Variants in ADGRL3 observed in about 807,000 individuals in gnomAD.
ADGRL3 encodes adhesion G protein-coupled receptor L3.
ADGRL3 carries 62 observed loss-of-function variants against 153.5 expected under a neutral mutation model. The observed-to-expected ratio is 0.40, with a 90% confidence interval of 0.33 to 0.50. The LOEUF (loss-of-function observed/expected upper bound fraction) is 0.50. ADGRL3 is among the 20% of genes least tolerant of loss of function. The pLI is 0.47. For synonymous variants in ADGRL3, 710 were observed against 672.5 expected (o/e 1.06, Z -0.86); for missense variants, 1,641 against 1,859.4 (o/e 0.88, Z 2.16).
chr4:61,485,656 T>TA (rs2152754755), intron 2 of ADGRL3, among the ~76,000 whole-genome samples: 1 of 152,294 alleles, frequency 6.6e-6, no homozygotes, highest in South Asian at 2.1e-4. Context: ...AAAGTGTAAG[T>TA]AAATGTGTAT....
At chr4:61,963,322 G>A (rs1004412304) in intron 17 of ADGRL3, among the ~76,000 whole-genome samples, 3 of 151,356 alleles carry the variant, frequency 2.0e-5, no homozygotes, top group Admixed American at 6.6e-5. Context: ...TGGGTAAATT[G>A]CATGTCACAG....
At chr4:61,228,728 C>A (rs1373352288) in intron 1 of ADGRL3, among the ~76,000 whole-genome samples, 2 of 152,098 alleles carry the variant, frequency 1.3e-5, no homozygotes, top group East Asian at 1.9e-4. Context: ...CTTATTTTGT[C>A]AACAGTAGTT....
chr4:61,634,950 C>G (rs541397157), intron 5 of ADGRL3, among the ~76,000 whole-genome samples: 51 of 152,280 alleles, frequency 3.3e-4, no homozygotes, highest in African/African-American at 1.2e-3. Flanking sequence ...TCCTATTCCA[C>G]ATCTCTTTTC....
At chr4:61,649,354 T>A (rs558210795) in intron 5 of ADGRL3, among the ~76,000 whole-genome samples, 1 of 152,244 alleles carries the variant, frequency 6.6e-6, no homozygotes, top group Non-Finnish European at 1.5e-5. Flanking sequence ...AGCAGCAACA[T>A]CTAAATTTAC....
intron 9 of ADGRL3, among the ~76,000 whole-genome samples, chr4:61,824,564 T>C (rs1359743603): frequency 6.6e-6 from 1 of 152,186 alleles, no homozygotes; most frequent in Admixed American, 6.5e-5. Context: ...TCTTACTGCC[T>C]GGAGCAGACA....
intron 21 of ADGRL3, among the ~76,000 whole-genome samples, chr4:62,001,446 C>T (rs1018904138): frequency 2.6e-5 from 4 of 152,058 alleles, no homozygotes; most frequent in South Asian, 2.1e-4. Flanking sequence ...GGCAGGATAA[C>T]GGGACATGTT....
At chr4:61,540,555 A>G (rs1339708191) in intron 4 of ADGRL3, among the ~76,000 whole-genome samples, 1 of 152,132 alleles carries the variant, frequency 6.6e-6, no homozygotes, top group Non-Finnish European at 1.5e-5. Flanking sequence ...CTCAACAAAA[A>G]AAGAAAAGAA....
At chr4:61,665,984 T>C in intron 5 of ADGRL3, among the ~76,000 whole-genome samples, 1 of 152,342 alleles carries the variant, frequency 6.6e-6, no homozygotes, top group Middle Eastern at 3.4e-3. Flanking sequence ...ATTATTGTTA[T>C]AAAGCATGAA....
chr4:61,539,637 G>T (rs2098678812), intron 4 of ADGRL3, among the ~76,000 whole-genome samples: 1 of 152,118 alleles, frequency 6.6e-6, no homozygotes, highest in African/African-American at 2.4e-5. Context: ...TCTCAGTTCA[G>T]GCCTGAGGGG....
chr4:62,065,389 T>G (rs1394166284), intron 25 of ADGRL3, among the ~76,000 whole-genome samples: 1 of 152,086 alleles, frequency 6.6e-6, no homozygotes, highest in Non-Finnish European at 1.5e-5. Flanking sequence ...CATTACACAA[T>G]TCATCAGATG....
intron 17 of ADGRL3, among the ~76,000 whole-genome samples, chr4:61,961,740 C>A (rs2098988615): frequency 6.6e-6 from 1 of 151,972 alleles, no homozygotes. Flanking sequence ...GAATTGACAC[C>A]AACTTGTGGT....
At chr4:61,464,520 T>C (rs1181765492) in intron 2 of ADGRL3, among the ~76,000 whole-genome samples, 1 of 152,156 alleles carries the variant, frequency 6.6e-6, no homozygotes, top group Admixed American at 6.5e-5. Flanking sequence ...ACTCCAGAAA[T>C]CTCTTGCATT....
intron 1 of ADGRL3, among the ~76,000 whole-genome samples, chr4:61,294,484 C>T (rs950407386): frequency 6.6e-6 from 1 of 152,108 alleles, no homozygotes; most frequent in African/African-American, 2.4e-5. Flanking sequence ...TCAACTTAGG[C>T]TGGGTTTATT....
chr4:61,392,961 CTCTA>C (rs1435631013), intron 2 of ADGRL3, among the ~76,000 whole-genome samples: 4 of 151,914 alleles, frequency 2.6e-5, no homozygotes, highest in South Asian at 4.1e-4. Context: ...AGCAAAGTTT[CTCTA>C]TCTATCTAAG....
intron 8 of ADGRL3, among the ~76,000 whole-genome samples, chr4:61,811,572 A>T (rs908495983): frequency 6.6e-6 from 1 of 152,108 alleles, no homozygotes; most frequent in Non-Finnish European, 1.5e-5. Flanking sequence ...TAGTGTTTGC[A>T]TAACTGTGAA....
intron 9 of ADGRL3, among the ~76,000 whole-genome samples, chr4:61,836,887 A>T (rs997364230): frequency 6.6e-6 from 1 of 152,130 alleles, no homozygotes; most frequent in Admixed American, 6.6e-5. Flanking sequence ...TACAAGAAAA[A>T]TCGAAATCGA....
intron 11 of ADGRL3, among the ~76,000 whole-genome samples, chr4:61,908,255 T>C (rs568430043): frequency 6.6e-6 from 1 of 152,158 alleles, no homozygotes; most frequent in African/African-American, 2.4e-5. Context: ...CCCCTGCACT[T>C]CTTCAGCCTG....
At chr4:61,492,380 T>C (rs1329671748) in intron 2 of ADGRL3, among the ~76,000 whole-genome samples, 1 of 152,112 alleles carries the variant, frequency 6.6e-6, no homozygotes, top group Non-Finnish European at 1.5e-5. Flanking sequence ...AAAGGTACAA[T>C]CATATTCAGT....
chr4:61,747,810 C>T (rs1395340123), intron 8 of ADGRL3, among the ~76,000 whole-genome samples: 2 of 151,390 alleles, frequency 1.3e-5, no homozygotes, highest in Admixed American at 1.3e-4. Flanking sequence ...GACAGGGATG[C>T]CCTCTCTCAC....
Sources: allele counts gnomAD v4.1 joint callset (sites outside exome capture counted in the v4.1 genomes callset), GRCh38; gene constraint gnomAD v4.1.1; transcripts MANE v1.5; gene names NCBI Gene and HGNC (gene_info 2026-07-23, HGNC 2026-07-21).